DPYD: variants seen among roughly 807,000 people sequenced by gnomAD.
The protein encoded by DPYD is dihydropyrimidine dehydrogenase [NADP(+)].
A neutral mutation model predicts 116.2 loss-of-function variants in DPYD; 109 were observed. The observed-to-expected ratio is 0.94, with a 90% confidence interval of 0.80 to 1.10. The LOEUF (loss-of-function observed/expected upper bound fraction) is 1.10. DPYD is among the 50% of genes least tolerant of loss of function. DPYD has a pLI of 0.00. For missense variants in DPYD, 1,302 were observed against 1,254.5 expected (o/e 1.04, Z -0.57); for synonymous variants, 440 against 432.0 (o/e 1.02, Z -0.23).
chr1:97,854,624 T>C lies in DPYD; in HGVS notation c.151-26428A>G, dbSNP rs908213214. Among the ~76,000 whole-genome samples, 5 of 152,214 alleles carry C rather than the reference T, an allele frequency of 3.3e-5. No individual in the cohort carries two copies. In the South Asian group the frequency reaches 6.2e-4, roughly 19 times the overall value. On this transcript the variant is annotated intron_variant, in intron 2 of 22. Coordinates refer to ENST00000370192, the MANE Select transcript of DPYD (RefSeq NM_000110.4). ...GTTTAAAATCAACTTAGATAGCACA[T>C]TGCTGATACGTGAAAAGTTTGAAAA...
intron 2 of DPYD, among the ~76,000 whole-genome samples, chr1:97,875,282 T>C (rs1671851785): frequency 6.6e-6 from 1 of 151,902 alleles, no homozygotes; most frequent in Admixed American, 6.6e-5. Context: ...ATAGTCATAA[T>C]CAGAAACCAA....
intron 20 of DPYD, among the ~76,000 whole-genome samples, chr1:97,168,599 C>T (rs1308001636): frequency 2.6e-5 from 4 of 152,064 alleles, no homozygotes; most frequent in Admixed American, 6.6e-5. Flanking sequence ...TTTCATTCTC[C>T]CTATCCCTAT....
intron 20 of DPYD, among the ~76,000 whole-genome samples, chr1:97,129,178 C>G (rs1188867803): frequency 1.3e-5 from 2 of 151,760 alleles, no homozygotes; most frequent in Non-Finnish European, 2.9e-5. Flanking sequence ...ATTCTCCTGC[C>G]TCAGCCTTGC....
intron 13 of DPYD, among the ~76,000 whole-genome samples, chr1:97,495,000 C>T (rs1324635910): frequency 6.6e-6 from 1 of 152,090 alleles, no homozygotes; most frequent in Admixed American, 6.6e-5. Flanking sequence ...GAGTAATGAG[C>T]GGCCTGCGCA....
chr1:97,347,686 A>AT (rs772600983), intron 16 of DPYD, among the ~76,000 whole-genome samples: 4 of 152,024 alleles, frequency 2.6e-5, no homozygotes, highest in Non-Finnish European at 4.4e-5. Context: ...TGTTTTTTCA[A>AT]TTGACAGACA....
intron 13 of DPYD, among the ~76,000 whole-genome samples, chr1:97,492,860 A>G (rs1435410246): frequency 6.6e-6 from 1 of 152,196 alleles, no homozygotes; most frequent in African/African-American, 2.4e-5. Flanking sequence ...TCCATTTGAA[A>G]TACTGCTTCA....
At chr1:97,673,019 A>C (rs887904231) in intron 8 of DPYD, among the ~76,000 whole-genome samples, 10 of 152,174 alleles carry the variant, frequency 6.6e-5, no homozygotes, top group African/African-American at 2.4e-4. Context: ...TACCCTCTTC[A>C]AGAATCTTAA....
chr1:97,202,744 C>A (rs1375612159), intron 19 of DPYD, among the ~76,000 whole-genome samples: 2 of 152,194 alleles, frequency 1.3e-5, no homozygotes, highest in Admixed American at 6.5e-5. Context: ...TTCCTTGTAT[C>A]TGTCCTTTAC....
chr1:97,229,259 A>G (rs1198294985), intron 19 of DPYD, among the ~76,000 whole-genome samples: 1 of 150,312 alleles, frequency 6.7e-6, no homozygotes, highest in Admixed American at 6.6e-5. Flanking sequence ...AAAAAAAAAA[A>G]AAGACGAATA....
rs2100991150 is a variant in DPYD at position 97,292,511 on chromosome 1, C to G, written c.2299+12748G>C. Among the ~76,000 whole-genome samples the G allele has an allele frequency of 1.3e-5, 2 of 152,294 alleles. 1 individual carries two copies. The highest frequency in any genetic ancestry group is 6.8e-3 in the Middle Eastern group (2 of 294). ...GGTAACTGCCCCCATGATTCAATTA[C>G]CTGCCATTGGGTCCCTCCCATGACA... On this transcript the variant is annotated intron_variant, in intron 18 of 22. Coordinates refer to ENST00000370192, the MANE Select transcript of DPYD (RefSeq NM_000110.4).
At position 97,822,413 on chromosome 1, in the gene DPYD, ATATATACATT is replaced by A. The variant is rs1299639150; in HGVS notation, c.233+5691_233+5700del. Among the ~76,000 whole-genome samples, 3 of 148,180 alleles carry A rather than the reference ATATATACATT, an allele frequency of 2.0e-5. No homozygotes were observed. In the East Asian group the frequency reaches 5.8e-4, roughly 29 times the overall value. On this transcript the variant is annotated intron_variant, in intron 3 of 22. Transcript: ENST00000370192. The stretch of plus-strand genomic sequence containing the variant: ...TATAAATAATATATATTTATATGTA[ATATATACATT>A]TATATATATTTATGTTATATACATA...
rs182143440 is a variant in DPYD at position 97,522,494 on chromosome 1, G to A, written c.1525-6553C>T. Among the ~76,000 whole-genome samples, 3 of 152,166 alleles carry A rather than the reference G, an allele frequency of 2.0e-5. 1 individual carries two copies. Among genetic ancestry groups the A allele is most frequent in the Non-Finnish European group, 4.4e-5 (3 of 67,990 alleles). On this transcript the variant is annotated intron_variant, in intron 12 of 22. Transcript: ENST00000370192. Reference sequence around the variant, plus strand: ...TCCCAGCACTTTGGGAGGCTGAGGTGCGTGGATCATGAGGTCAGTAGATCG... The same window carrying A: ...TCCCAGCACTTTGGGAGGCTGAGGTACGTGGATCATGAGGTCAGTAGATCG...
At chr1:97,219,325 T>C (rs1660633162) in intron 19 of DPYD, among the ~76,000 whole-genome samples, 1 of 152,220 alleles carries the variant, frequency 6.6e-6, no homozygotes, top group Non-Finnish European at 1.5e-5. Flanking sequence ...CAAAATCTAT[T>C]CTCATCTGAA....
At chr1:97,154,340 T>C (rs534336404) in intron 20 of DPYD, among the ~76,000 whole-genome samples, 1 of 152,276 alleles carries the variant, frequency 6.6e-6, no homozygotes, top group East Asian at 1.9e-4. Flanking sequence ...ATAATGGCAT[T>C]TGTAGCAAGC....
chr1:97,098,309 TA>T (rs1285512659), intron 21 of DPYD, among the ~76,000 whole-genome samples, 179 bp downstream of exon 21: 3 of 152,070 alleles, frequency 2.0e-5, no homozygotes, highest in Non-Finnish European at 4.4e-5. Flanking sequence ...AATATGCAAA[TA>T]AAAAAGGTTA....
At chr1:97,217,099 T>C (rs1024969440) in intron 19 of DPYD, among the ~76,000 whole-genome samples, 2 of 151,714 alleles carry the variant, frequency 1.3e-5, no homozygotes, top group Non-Finnish European at 2.9e-5. Flanking sequence ...TCCCAAGTAC[T>C]TGGGAGGCTG....
At chr1:97,222,455 A>G (rs1378456783) in intron 19 of DPYD, among the ~76,000 whole-genome samples, 1 of 152,114 alleles carries the variant, frequency 6.6e-6, no homozygotes, top group East Asian at 1.9e-4. Context: ...TCTAGATGTT[A>G]ATCTTTCTAT....
At chr1:97,101,687 CA>C (rs1650701420) in intron 20 of DPYD, among the ~76,000 whole-genome samples, 2 of 152,130 alleles carry the variant, frequency 1.3e-5, no homozygotes, top group South Asian at 4.1e-4. Context: ...GTGCCAGCAG[CA>C]GGAGCTTTTC....
At chr1:97,714,851 T>C (rs560512857) in intron 5 of DPYD, among the ~76,000 whole-genome samples, 1 of 152,194 alleles carries the variant, frequency 6.6e-6, no homozygotes, top group Non-Finnish European at 1.5e-5. Context: ...ATTGAGCGCC[T>C]CTGTCTTTGA....
Sources: allele counts gnomAD v4.1 joint callset (sites outside exome capture counted in the v4.1 genomes callset), GRCh38; gene constraint gnomAD v4.1.1; transcripts MANE v1.5; gene names NCBI Gene and HGNC (gene_info 2026-07-23, HGNC 2026-07-21).